Variants in DPP6 observed in about 807,000 individuals in gnomAD.
The protein encoded by DPP6 is A-type potassium channel modulatory protein DPP6.
DPP6 carries 69 observed loss-of-function variants against 122.6 expected under a neutral mutation model. The ratio of observed to expected loss-of-function variants is 0.56; its 90% confidence interval spans 0.46 to 0.69. The LOEUF (loss-of-function observed/expected upper bound fraction) is 0.69, where lower values mean the gene tolerates loss of function less well. DPP6 is among the 30% of genes least tolerant of loss of function. The pLI is 0.00. For synonymous variants in DPP6, 418 were observed against 433.1 expected (o/e 0.97, Z 0.43); for missense variants, 928 against 1,116.9 (o/e 0.83, Z 2.41).
chr7:154,024,077 A>T (rs1163445094), intron 1 of DPP6, among the ~76,000 whole-genome samples: 1 of 152,164 alleles, frequency 6.6e-6, no homozygotes, highest in Non-Finnish European at 1.5e-5. Flanking sequence ...AATTTATCCT[A>T]CAGGCTGCAT....
intron 1 of DPP6, among the ~76,000 whole-genome samples, chr7:154,313,293 A>G (rs887548001): frequency 6.6e-6 from 1 of 152,180 alleles, no homozygotes; most frequent in African/African-American, 2.4e-5. Context: ...AGGTGCAGCC[A>G]GCGGTCTGCT....
intron 9 of DPP6, 138 bp from the exon 10 acceptor site, chr7:154,772,707 A>G: frequency 8.3e-7 from 1 of 1,211,968 alleles, no homozygotes; most frequent in East Asian, 2.6e-5. Flanking sequence ...TGTTCTCCAC[A>G]TTAATTCTGC....
chr7:154,490,842 A>G (rs1824216761), intron 3 of DPP6, among the ~76,000 whole-genome samples: 1 of 152,190 alleles, frequency 6.6e-6, no homozygotes, highest in African/African-American at 2.4e-5. Context: ...ACCAGTGATA[A>G]CATAGTTTAC....
intron 2 of DPP6, among the ~76,000 whole-genome samples, chr7:154,451,425 A>G (rs528045474): frequency 1.3e-5 from 2 of 150,916 alleles, no homozygotes; most frequent in Admixed American, 1.3e-4. Flanking sequence ...CGAAATGTCC[A>G]CAGCAGCAAA....
At chr7:153,881,346 A>G in the DPP6 span, among the ~76,000 whole-genome samples, 1 of 152,206 alleles carries the variant, frequency 6.6e-6, no homozygotes, top group African/African-American at 2.4e-5. Context: ...ATTAGCACTG[A>G]GGTGAGATTA....
chr7:154,428,858 G>A lies in DPP6; in HGVS notation c.244-17356G>A, dbSNP rs78440840. Among the ~76,000 whole-genome samples, 2,566 of 152,146 alleles carry A rather than the reference G, an allele frequency of 0.017. 176 individuals carry two copies. The East Asian group carries it at 0.24, about 14-fold the overall frequency. ...TTGGAGACTCGCAAGTGGGGAGAGC[G>A]GAAGGGGTATGAGGGATAAAAAGAC... On this transcript the variant is annotated intron_variant, in intron 1 of 25. Transcript: ENST00000377770.
rs1047647955 is a variant in DPP6 at position 154,413,262 on chromosome 7, G to T, written c.244-32952G>T. Among the ~76,000 whole-genome samples, 6 of 152,174 alleles carry T rather than the reference G, an allele frequency of 3.9e-5. No homozygotes were observed. In the East Asian group the frequency reaches 1.2e-3, roughly 29 times the overall value. Reference sequence around the variant, plus strand: ...AATCAAGTCACACTTTTTCTCCAGGGACTCATTTCCCTCAAACACTATATC... The same window carrying T: ...AATCAAGTCACACTTTTTCTCCAGGTACTCATTTCCCTCAAACACTATATC... On this transcript the variant is annotated intron_variant, in intron 1 of 25. Transcript: ENST00000377770.
the DPP6 span, among the ~76,000 whole-genome samples, chr7:153,859,150 T>C: frequency 6.6e-6 from 1 of 152,060 alleles, no homozygotes; most frequent in African/African-American, 2.4e-5. Flanking sequence ...ATAAGGGTGT[T>C]GGGATCTATT....
At chr7:154,370,208 C>G (rs1812535624) in intron 1 of DPP6, among the ~76,000 whole-genome samples, 1 of 152,096 alleles carries the variant, frequency 6.6e-6, no homozygotes, top group Non-Finnish European at 1.5e-5. Context: ...GTCTTGAACC[C>G]CTGACCTCAG....
intron 1 of DPP6, among the ~76,000 whole-genome samples, chr7:153,910,883 G>C (rs1800062251): frequency 6.6e-6 from 1 of 152,102 alleles, no homozygotes; most frequent in Non-Finnish European, 1.5e-5. Flanking sequence ...CCCTCCCTCA[G>C]GGGTCCCAGT....
At chr7:154,323,963 C>G (rs754141884) in intron 1 of DPP6, among the ~76,000 whole-genome samples, 9 of 152,190 alleles carry the variant, frequency 5.9e-5, no homozygotes, top group Non-Finnish European at 1.3e-4. Context: ...TACAAAATCT[C>G]TCTTGTAAAA....
chr7:154,729,497 T>G (rs995946819), intron 8 of DPP6, among the ~76,000 whole-genome samples: 9 of 152,236 alleles, frequency 5.9e-5, no homozygotes, highest in African/African-American at 2.2e-4. Flanking sequence ...CATAATAAAA[T>G]GTACATCAGA....
intron 1 of DPP6, among the ~76,000 whole-genome samples, chr7:153,987,089 A>G (rs1353475334): frequency 2.6e-5 from 4 of 152,124 alleles, no homozygotes; most frequent in Admixed American, 2.6e-4. Context: ...ATTTGTCGAG[A>G]TGTTATTTAT....
At chr7:154,562,714 C>G (rs905431552) in intron 4 of DPP6, among the ~76,000 whole-genome samples, 2 of 151,968 alleles carry the variant, frequency 1.3e-5, no homozygotes, top group African/African-American at 4.8e-5. Flanking sequence ...AAATATCTAC[C>G]AGAACAAATA....
In DPP6 at chr7:154,467,329, C is replaced by T. The variant is rs560729377; in HGVS notation, c.359-7610C>T. 3.3e-5 allele frequency among the ~76,000 whole-genome samples: 5 copies of T among 152,226 alleles called. No homozygotes were observed. The East Asian group carries it at 5.8e-4, about 18-fold the overall frequency. The stretch of plus-strand genomic sequence containing the variant: ...ATCTCATGTCAAATTGTAATCCTAA[C>T]GTGTTGAATGAGAGGCTGGTGGGAG... On this transcript the variant is annotated intron_variant, in intron 2 of 25. Coordinates refer to ENST00000377770, the MANE Select transcript of DPP6 (RefSeq NM_130797.4).
At chr7:154,021,012 G>A (rs1282473372) in intron 1 of DPP6, among the ~76,000 whole-genome samples, 2 of 152,114 alleles carry the variant, frequency 1.3e-5, no homozygotes, top group South Asian at 4.1e-4. Context: ...GGGGAGATGT[G>A]GGAAACGCCA....
intron 1 of DPP6, among the ~76,000 whole-genome samples, chr7:154,211,655 C>T (rs1799747523): frequency 6.6e-6 from 1 of 152,132 alleles, no homozygotes; most frequent in Admixed American, 6.5e-5. Flanking sequence ...CCAATCTTTG[C>T]CCTCTTCTCC....
chr7:154,425,175 C>T (rs952738595), intron 1 of DPP6, among the ~76,000 whole-genome samples: 4 of 152,128 alleles, frequency 2.6e-5, no homozygotes, highest in Non-Finnish European at 5.9e-5. Context: ...TAGATTAACT[C>T]ATGGTCTTCC....
the DPP6 span, among the ~76,000 whole-genome samples, chr7:153,807,758 G>A: frequency 1.4e-3 from 208 of 151,912 alleles, no homozygotes; most frequent in Non-Finnish European, 2.2e-3. Flanking sequence ...GACGTTGTCC[G>A]CCAAAGCTAA....
Sources: gnomAD v4.1 joint callset for allele counts (sites outside exome capture counted in the v4.1 genomes callset) on GRCh38, gnomAD v4.1.1 for gene constraint, MANE v1.5 for transcripts, NCBI Gene and HGNC (gene_info 2026-07-23, HGNC 2026-07-21) for gene names.